The following NFE2L3 variants were observed in gnomAD, a reference collection of about 807,000 sequenced individuals.
The protein encoded by NFE2L3 is nuclear factor erythroid 2-related factor 3.
A neutral mutation model predicts 23.5 loss-of-function variants in NFE2L3; 18 were observed. That is an observed-to-expected ratio of 0.77 (90% CI 0.53 to 1.13). NFE2L3 has a LOEUF of 1.13. NFE2L3 is among the 50% of genes most tolerant of loss of function. The probability of loss-of-function intolerance (pLI) is 0.00; values close to 1 mark genes in which losing one functional copy is unlikely to be tolerated. For missense variants in NFE2L3, 1,152 were observed against 877.2 expected, an observed-to-expected ratio of 1.31 and a Z score of -3.96; for synonymous variants, 424 against 354.5, an observed-to-expected ratio of 1.20 and a Z score of -2.20.
chr7:26,182,981 CTTG>C (rs530003508), intron 2 of NFE2L3, among the ~76,000 whole-genome samples: 157 of 152,102 alleles, frequency 1.0e-3, no homozygotes, highest in Middle Eastern at 6.8e-3. Flanking sequence ...TAGAAACGGT[CTTG>C]TTGTGTTGCC....
At chr7:26,173,466 C>G (rs894029964) in intron 1 of NFE2L3, 1 of 152,152 alleles carries the variant, frequency 6.6e-6, no homozygotes, top group African/African-American at 2.4e-5. Context: ...TAAAATAGAT[C>G]ATTTGATTTC....
intron 1 of NFE2L3, among the ~76,000 whole-genome samples, chr7:26,172,848 GTGT>G (rs1784346835): frequency 6.6e-6 from 1 of 152,122 alleles, no homozygotes; most frequent in South Asian, 2.1e-4. Flanking sequence ...TTCTCCTGTA[GTGT>G]TATTATTTTT....
In NFE2L3 at chr7:26,152,687, G is replaced by A; in HGVS notation, c.189G>A (p.Ser63=). Residue 63 remains serine, a synonymous_variant, in exon 1 of 4, where the codon TCG becomes TCA. Coordinates refer to ENST00000056233, the MANE Select transcript of NFE2L3 (RefSeq NM_004289.7). This position sits in a 1 kb window ranked among gnomAD's most constrained non-coding sequence, Gnocchi z 4.4. ...ASSAYALSPF[S]ASGGWGRAGH... ...CCGCCTACGCGCTCAGCCCCTTCTC[G>A]GCCTCGGGAGGGTGGGGGCGCGCGG... 6.7e-7 allele frequency: 1 copy of A among 1,482,186 alleles called. No homozygotes were observed. The highest frequency in any genetic ancestry group is 1.3e-5 in the South Asian group (1 of 77,822). The allele number at this position is 1,482,186 out of a possible 1,614,324, so 91.8% of individuals were successfully genotyped here.
In NFE2L3 at chr7:26,152,952, G is replaced by T; in HGVS notation, c.454G>T (p.Gly152Trp). ...SVDGGSQAVQ[G>W]GGGDPRAARS... ...GGACGGCGGCAGCCAGGCTGTGCAG[G>T]GGGGCGGCGGGGACCCCCGAGCGGC... is the stretch of plus-strand genomic sequence containing the variant. Residue 152 changes from glycine (G) to tryptophan (W), a missense_variant, in exon 1 of 4, where the codon GGG becomes TGG. Physicochemically the swap from Gly to Trp is radical, Grantham distance 184. Coordinates refer to ENST00000056233, the MANE Select transcript of NFE2L3 (RefSeq NM_004289.7). This position sits in a 1 kb window ranked among gnomAD's most constrained non-coding sequence, Gnocchi z 4.4. The T allele has an allele frequency of 6.8e-7, 1 of 1,480,916 alleles. No individual in the cohort carries two copies. The highest frequency in any genetic ancestry group is 8.9e-7 in the Non-Finnish European group (1 of 1,125,058). 91.7% of individuals were successfully genotyped at this position (1,480,916 alleles called of 1,614,324 possible). A position where few individuals can be genotyped will look rare whatever the true frequency, so the allele number is the denominator to read the frequency against.
chr7:26,186,089 TTA>T lies in NFE2L3; in HGVS notation c.*307_*308del, dbSNP rs901942707. 3.5e-5 allele frequency: 8 copies of T among 226,610 alleles called. No homozygotes were observed. The highest frequency in any genetic ancestry group is 5.4e-5 in the Admixed American group (1 of 18,606). The allele number at this position is 226,610 out of a possible 1,614,324, so 14.0% of individuals were successfully genotyped here. A position where few individuals can be genotyped will look rare whatever the true frequency, so the allele number is the denominator to read the frequency against. ...CTTTCCATCTTGGCAGCCATCCTTTTTAAGAGTAAGTTGGTTACTTCAAAAAG... is the reference window on the plus strand; with the variant it reads ...CTTTCCATCTTGGCAGCCATCCTTTTAGAGTAAGTTGGTTACTTCAAAAAG... On this transcript the variant is annotated 3_prime_UTR_variant, in exon 4 of 4. Coordinates refer to ENST00000056233, the MANE Select transcript of NFE2L3 (RefSeq NM_004289.7).
chr7:26,176,062 C>G (rs890511054), intron 1 of NFE2L3, among the ~76,000 whole-genome samples: 1 of 151,702 alleles, frequency 6.6e-6, no homozygotes, highest in Non-Finnish European at 1.5e-5. Flanking sequence ...GGTGATGACT[C>G]TTAATGAGCA....
intron 1 of NFE2L3, among the ~76,000 whole-genome samples, chr7:26,172,700 A>G (rs982330723): frequency 1.3e-5 from 2 of 152,224 alleles, no homozygotes; most frequent in Admixed American, 1.3e-4. Context: ...CTCAATGATT[A>G]GATTGAGATT....
chr7:26,162,100 G>A (rs1454391421), intron 1 of NFE2L3, among the ~76,000 whole-genome samples: 1 of 149,576 alleles, frequency 6.7e-6, no homozygotes, highest in Non-Finnish European at 1.5e-5. Context: ...CTGAGATCAC[G>A]CCACTGCACT....
chr7:26,162,870 G>A (rs12334205), intron 1 of NFE2L3, among the ~76,000 whole-genome samples: 82,287 of 151,738 alleles, frequency 0.54, 22,883 homozygotes, highest in East Asian at 0.69. Context: ...GCACCACCAC[G>A]CCTGGCTGAT....
chr7:26,169,702 T>C (rs1332372672), intron 1 of NFE2L3, among the ~76,000 whole-genome samples: 1 of 152,230 alleles, frequency 6.6e-6, no homozygotes, highest in Non-Finnish European at 1.5e-5. Context: ...GTTGAATGAA[T>C]ACAGGAAGGA....
intron 1 of NFE2L3, among the ~76,000 whole-genome samples, chr7:26,158,420 T>C (rs3753098): frequency 0.37 from 55,853 of 152,016 alleles, 10,757 homozygotes; most frequent in Non-Finnish European, 0.42. Context: ...TCTATAACAA[T>C]CACCATCTTC....
At chr7:26,177,719 C>T (rs544088879) in intron 1 of NFE2L3, among the ~76,000 whole-genome samples, 1 of 152,302 alleles carries the variant, frequency 6.6e-6, no homozygotes, top group East Asian at 1.9e-4. Context: ...AATTCAGGGG[C>T]TTTATAAGTG....
At chr7:26,169,524 C>G (rs1473551478) in intron 1 of NFE2L3, among the ~76,000 whole-genome samples, 1 of 152,132 alleles carries the variant, frequency 6.6e-6, no homozygotes, top group Admixed American at 6.5e-5. Flanking sequence ...GGCTGGCTGC[C>G]CACAGGTATG....
At chr7:26,168,136 T>A (rs1389690724) in intron 1 of NFE2L3, among the ~76,000 whole-genome samples, 4 of 148,112 alleles carry the variant, frequency 2.7e-5, no homozygotes, top group African/African-American at 9.9e-5. Flanking sequence ...CATTCTTGTC[T>A]TTTTTTTTCT....
At chr7:26,183,479 C>T (rs1300265107) in intron 2 of NFE2L3, among the ~76,000 whole-genome samples, 2 of 143,790 alleles carry the variant, frequency 1.4e-5, no homozygotes, top group Non-Finnish European at 3.2e-5. Context: ...ACCTGGGAGG[C>T]AGAGGGTGTA....
chr7:26,164,800 T>G (rs905373372), intron 1 of NFE2L3, among the ~76,000 whole-genome samples: 17 of 152,230 alleles, frequency 1.1e-4, no homozygotes, highest in Non-Finnish European at 2.4e-4. Flanking sequence ...GGTCTAACAT[T>G]TAAGTCTTTA....
Position 26,177,271 on chromosome 7 carries a change from G to A in NFE2L3, c.571-672G>A, listed in dbSNP as rs1295028537. On this transcript the variant is annotated intron_variant, in intron 1 of 3. Coordinates refer to ENST00000056233, the MANE Select transcript of NFE2L3 (RefSeq NM_004289.7). ...GCAGCTGGGAGGTGGAGGTTGTAGCGAGCCGAGATCATGCCACTGCACTCC... is the reference window on the plus strand; with the variant it reads ...GCAGCTGGGAGGTGGAGGTTGTAGCAAGCCGAGATCATGCCACTGCACTCC... 2.6e-5 allele frequency among the ~76,000 whole-genome samples: 4 copies of A among 152,320 alleles called. No individual in the cohort carries two copies. In the South Asian group the frequency reaches 6.2e-4, roughly 24 times the overall value.
intron 1 of NFE2L3, among the ~76,000 whole-genome samples, chr7:26,169,736 A>G (rs886847193): frequency 6.6e-6 from 1 of 152,242 alleles, no homozygotes; most frequent in East Asian, 1.9e-4. Context: ...TACTTATTCA[A>G]TACCTAAGTC....
chr7:26,173,669 T>C (rs1784357903), intron 1 of NFE2L3: 1 of 152,232 alleles, frequency 6.6e-6, no homozygotes, highest in Admixed American at 6.5e-5. Flanking sequence ...GAATCAGTAT[T>C]GTTGCAGGAA....
Sources: gnomAD v4.1 joint callset for allele counts (sites outside exome capture counted in the v4.1 genomes callset) on GRCh38, gnomAD v4.1.1 for gene constraint, Gnocchi (gnomAD v3.1) non-coding constraint, MANE v1.5 for transcripts, NCBI Gene and HGNC (gene_info 2026-07-23, HGNC 2026-07-21) for gene names.